Variants in EXOC6B observed in about 807,000 individuals in gnomAD.
EXOC6B encodes exocyst complex component 6B, also known as SEC15 homolog B.
EXOC6B carries 54 observed loss-of-function variants against 113.5 expected under a neutral mutation model. The observed-to-expected ratio is 0.48, with a 90% confidence interval of 0.38 to 0.60. The LOEUF (loss-of-function observed/expected upper bound fraction) is 0.60. Ranked by LOEUF, EXOC6B falls within the 20% of genes least tolerant of loss-of-function variation. The probability of loss-of-function intolerance (pLI) is 0.00; values close to 1 mark genes in which losing one functional copy is unlikely to be tolerated. For missense variants in EXOC6B, 797 were observed against 977.5 expected (o/e 0.82, Z 2.46); for synonymous variants, 357 against 339.0 (o/e 1.05, Z -0.58).
intron 6 of EXOC6B, among the ~76,000 whole-genome samples, chr2:72,713,194 G>A (rs1255847025): frequency 6.6e-6 from 1 of 152,096 alleles, no homozygotes; most frequent in Non-Finnish European, 1.5e-5. Flanking sequence ...GTCCACCCAT[G>A]GATCACTGCA....
chr2:72,538,059 G>T (rs1454684520), intron 8 of EXOC6B, among the ~76,000 whole-genome samples: 1 of 151,146 alleles, frequency 6.6e-6, no homozygotes, highest in African/African-American at 2.4e-5. Context: ...CTGGGCTCAA[G>T]CAATCCTCCC....
chr2:72,240,994 A>G (rs1682277600), intron 20 of EXOC6B, among the ~76,000 whole-genome samples: 1 of 152,208 alleles, frequency 6.6e-6, no homozygotes, highest in South Asian at 2.1e-4. Context: ...TAACCACTGG[A>G]GCCAGTACTA....
At chr2:72,597,502 A>C (rs912429990) in intron 6 of EXOC6B, among the ~76,000 whole-genome samples, 1 of 151,940 alleles carries the variant, frequency 6.6e-6, no homozygotes, top group African/African-American at 2.4e-5. Context: ...AAACCATAAA[A>C]GGCAGGAAAA....
intron 6 of EXOC6B, among the ~76,000 whole-genome samples, chr2:72,604,278 T>A (rs570333266): frequency 6.6e-6 from 1 of 152,210 alleles, no homozygotes; most frequent in South Asian, 2.1e-4. Flanking sequence ...TTAAACCCAC[T>A]TAAATAAAAA....
At chr2:72,582,089 T>C (rs1399324901) in intron 6 of EXOC6B, among the ~76,000 whole-genome samples, 1 of 152,022 alleles carries the variant, frequency 6.6e-6, no homozygotes, top group African/African-American at 2.4e-5. Context: ...TCATAGGCCA[T>C]AGAAGAAAAG....
At chr2:72,454,774 T>A (rs1277130427) in intron 18 of EXOC6B, among the ~76,000 whole-genome samples, 2 of 152,184 alleles carry the variant, frequency 1.3e-5, no homozygotes, top group African/African-American at 4.8e-5. Context: ...AAAGAACAGC[T>A]CTGGCTTGGT....
intron 6 of EXOC6B, among the ~76,000 whole-genome samples, chr2:72,675,248 T>G (rs1014717734): frequency 3.3e-5 from 5 of 152,186 alleles, no homozygotes; most frequent in African/African-American, 1.2e-4. Context: ...ACTGCCACAG[T>G]TGATTAAAAA....
intron 18 of EXOC6B, among the ~76,000 whole-genome samples, chr2:72,391,421 C>T (rs1486591284): frequency 6.6e-6 from 1 of 152,078 alleles, no homozygotes; most frequent in Admixed American, 6.6e-5. Context: ...ACAATTCTTA[C>T]TGTTTTTCCC....
chr2:72,821,920 A>C (rs911575145), intron 1 of EXOC6B, among the ~76,000 whole-genome samples: 2 of 152,180 alleles, frequency 1.3e-5, no homozygotes, highest in East Asian at 3.8e-4. Flanking sequence ...AAACCATTTA[A>C]TTGTATACTT....
chr2:72,275,271 GT>G (rs1479790412), intron 20 of EXOC6B, among the ~76,000 whole-genome samples: 1 of 152,114 alleles, frequency 6.6e-6, no homozygotes, highest in Non-Finnish European at 1.5e-5. Flanking sequence ...ACAATGCTAA[GT>G]TACTGCTGTA....
At chr2:72,823,345 C>T (rs1686684626) in intron 1 of EXOC6B, among the ~76,000 whole-genome samples, 1 of 147,990 alleles carries the variant, frequency 6.8e-6, no homozygotes, top group Non-Finnish European at 1.5e-5. Flanking sequence ...AACTCAGTAA[C>T]AACAATGAAA....
chr2:72,283,561 G>A (rs1346043991), intron 20 of EXOC6B, among the ~76,000 whole-genome samples: 1 of 152,110 alleles, frequency 6.6e-6, no homozygotes, highest in Admixed American at 6.6e-5. Flanking sequence ...CCCAGCCATG[G>A]AGGAGTAGGG....
chr2:72,671,850 GAGGAAGAAGGA>G (rs1675895487), intron 6 of EXOC6B, among the ~76,000 whole-genome samples: 1 of 148,928 alleles, frequency 6.7e-6, no homozygotes, highest in South Asian at 2.2e-4. Flanking sequence ...AGAATGGAGG[GAGGAAGAAGGA>G]AGGAAGAAAG....
chr2:72,492,240 G>A (rs1047080458), intron 16 of EXOC6B, 78 bp downstream of exon 16: 21 of 689,850 alleles, frequency 3.0e-5, no homozygotes, highest in Middle Eastern at 2.6e-4. Flanking sequence ...AAGTTTTAAC[G>A]AATTCAGACA....
intron 8 of EXOC6B, among the ~76,000 whole-genome samples, chr2:72,548,186 T>C (rs971771658): frequency 2.0e-5 from 3 of 152,116 alleles, no homozygotes; most frequent in Non-Finnish European, 4.4e-5. Context: ...TCACTGCCTG[T>C]TTGATATTGT....
chr2:72,248,856 T>C (rs907637413), intron 20 of EXOC6B, among the ~76,000 whole-genome samples: 11 of 152,060 alleles, frequency 7.2e-5, no homozygotes, highest in Admixed American at 5.2e-4. Flanking sequence ...GAACCAGAAA[T>C]CTGGGTGAAT....
chr2:72,510,616 A>G (rs1295009941), intron 11 of EXOC6B, among the ~76,000 whole-genome samples: 1 of 151,536 alleles, frequency 6.6e-6, no homozygotes, highest in African/African-American at 2.4e-5. Context: ...AACCCATTAT[A>G]TATTGTATAG....
rs116015158 is a variant in EXOC6B, at chr2:72,603,787, G to A, written c.670-28119C>T. Among the ~76,000 whole-genome samples the A allele has an allele frequency of 7.9e-3, 1,209 of 152,190 alleles. 14 individuals carry two copies. Among genetic ancestry groups the A allele is most frequent in the African/African-American group, 0.028 (1,162 of 41,526 alleles). The stretch of plus-strand genomic sequence containing the variant: ...TCTCCCTAGGAAAACTGGAGGTTGA[G>A]CCAGTCAGCCATGAAGGGCACTTTA... On this transcript the variant is annotated intron_variant, in intron 6 of 21. Coordinates refer to ENST00000272427, the MANE Select transcript of EXOC6B (RefSeq NM_015189.3).
intron 20 of EXOC6B, among the ~76,000 whole-genome samples, chr2:72,235,988 T>C (rs183074402): frequency 1.5e-4 from 23 of 152,330 alleles, no homozygotes; most frequent in Non-Finnish European, 2.1e-4. Flanking sequence ...CAGTTGATGA[T>C]AGAGCTTAAA....
Sources: gnomAD v4.1 joint callset for allele counts (sites outside exome capture counted in the v4.1 genomes callset) on GRCh38, gnomAD v4.1.1 for gene constraint, MANE v1.5 for transcripts, NCBI Gene and HGNC (gene_info 2026-07-23, HGNC 2026-07-21) for gene names.